The following NRXN3 variants were observed in gnomAD, a reference collection of about 807,000 sequenced individuals.
NRXN3 encodes neurexin 3.
NRXN3 carries 32 observed loss-of-function variants against 137.6 expected under a neutral mutation model. The ratio of observed to expected loss-of-function variants is 0.23; its 90% confidence interval spans 0.18 to 0.31. NRXN3 has a LOEUF of 0.31. Ranked by LOEUF, NRXN3 falls within the 10% of genes least tolerant of loss-of-function variation. The probability of loss-of-function intolerance (pLI) is 1.00; values close to 1 mark genes in which losing one functional copy is unlikely to be tolerated. For synonymous variants in NRXN3, 798 were observed against 784.5 expected (o/e 1.02, Z -0.29); for missense variants, 1,574 against 2,062.5 (o/e 0.76, Z 4.59).
At chr14:79,728,650 A>T (rs2098907429) in intron 19 of NRXN3, among the ~76,000 whole-genome samples, 4 of 152,232 alleles carry the variant, frequency 2.6e-5, no homozygotes. Context: ...GCTGATATGG[A>T]TGTGATAACA....
intron 16 of NRXN3, among the ~76,000 whole-genome samples, chr14:79,638,057 G>A (rs1015850139): frequency 2.6e-5 from 4 of 151,830 alleles, no homozygotes; most frequent in African/African-American, 9.7e-5. Context: ...TATTATACGT[G>A]CCCATACCTC....
chr14:78,413,735 T>TG (rs1380878066), intron 4 of NRXN3, among the ~76,000 whole-genome samples: 1 of 152,164 alleles, frequency 6.6e-6, no homozygotes, highest in Non-Finnish European at 1.5e-5. Context: ...CTGCAGCAGT[T>TG]GGGGGATGAG....
rs141065232 is a variant in NRXN3 at position 78,195,697 on chromosome 14, T to C, written c.-704+25023T>C. On this transcript the variant is annotated intron_variant, in intron 1 of 20. Transcript: ENST00000335750. ...TGAACTAGGCTGGAATGAGAGAGAC[T>C]GTTTTGTTTGCTCCATTTTCCAGAC... is the stretch of plus-strand genomic sequence containing the variant. 8.5e-5 allele frequency among the ~76,000 whole-genome samples: 13 copies of C among 152,260 alleles called. No homozygotes were observed. The East Asian group carries it at 1.9e-3, about 23-fold the overall frequency.
intron 19 of NRXN3, among the ~76,000 whole-genome samples, chr14:79,768,185 C>G (rs2099062993): frequency 2.6e-5 from 4 of 152,220 alleles, no homozygotes; most frequent in Admixed American, 6.5e-5. Context: ...AGGCAGCAGC[C>G]AGACTGGGGG....
intron 8 of NRXN3, among the ~76,000 whole-genome samples, chr14:78,774,808 C>T (rs2098739784): frequency 6.6e-6 from 1 of 152,006 alleles, no homozygotes; most frequent in African/African-American, 2.4e-5. Context: ...CCTGTAGTCC[C>T]ACCTACTTGG....
chr14:79,816,948 G>C (rs144392670), intron 20 of NRXN3, among the ~76,000 whole-genome samples: 22 of 152,314 alleles, frequency 1.4e-4, no homozygotes, highest in Admixed American at 5.9e-4. Context: ...AATTAAAAAG[G>C]AAAGTGTTGC....
At chr14:79,823,284 A>C (rs1470166567) in intron 20 of NRXN3, among the ~76,000 whole-genome samples, 3 of 152,200 alleles carry the variant, frequency 2.0e-5, no homozygotes, top group African/African-American at 7.2e-5. Context: ...ATTCATGCCA[A>C]ATTTACTGAG....
rs141346859 is a variant in NRXN3 at position 79,028,852 on chromosome 14, A to G, written c.3262+40711A>G. 2.1e-4 allele frequency among the ~76,000 whole-genome samples: 32 copies of G among 152,252 alleles called. 1 individual carries two copies. The South Asian group carries it at 4.4e-3, about 21-fold the overall frequency. Reference sequence around the variant, plus strand: ...CATACAGAAGGTACCATGAAGGGGTATAGTTCTTTTGCTCTTTTCTCACTG... The same window carrying G: ...CATACAGAAGGTACCATGAAGGGGTGTAGTTCTTTTGCTCTTTTCTCACTG... On this transcript the variant is annotated intron_variant, in intron 15 of 20. Coordinates refer to ENST00000335750, the MANE Select transcript of NRXN3 (RefSeq NM_001330195.2).
intron 15 of NRXN3, among the ~76,000 whole-genome samples, chr14:79,316,831 TG>T (rs1468938782): frequency 6.6e-6 from 1 of 152,084 alleles, no homozygotes; most frequent in Non-Finnish European, 1.5e-5. Flanking sequence ...TATTAGGAAG[TG>T]TATTCATTTC....
intron 19 of NRXN3, among the ~76,000 whole-genome samples, chr14:79,747,499 CA>C (rs544482230): frequency 5.3e-4 from 81 of 152,068 alleles, no homozygotes; most frequent in African/African-American, 1.9e-3. Flanking sequence ...CTATGTTTCC[CA>C]ATTCAAAATA....
intron 10 of NRXN3, among the ~76,000 whole-genome samples, chr14:78,935,244 C>T (rs1328438251): frequency 1.3e-5 from 2 of 152,022 alleles, no homozygotes; most frequent in African/African-American, 2.4e-5. Context: ...AATGAAAACC[C>T]AATTTATTTG....
At chr14:78,882,424 A>G (rs1005562410) in intron 10 of NRXN3, among the ~76,000 whole-genome samples, 1 of 151,800 alleles carries the variant, frequency 6.6e-6, no homozygotes, top group Non-Finnish European at 1.5e-5. Context: ...GTACCCTACA[A>G]AGCCACAGGG....
rs1433186606 is a variant in NRXN3, at chr14:79,077,750, C to T, written c.3262+89609C>T. Among the ~76,000 whole-genome samples, 19 of 152,194 alleles carry T rather than the reference C, an allele frequency of 1.2e-4. No individual in the cohort carries two copies. In the East Asian group the frequency reaches 3.7e-3, roughly 29 times the overall value. On this transcript the variant is annotated intron_variant, in intron 15 of 20. Coordinates refer to ENST00000335750, the MANE Select transcript of NRXN3 (RefSeq NM_001330195.2). The stretch of plus-strand genomic sequence containing the variant: ...ATTTTATATAACTATAATATATAGG[C>T]CATAAATTATTATTATATCAGTCTG...
rs72689190 is a variant in NRXN3, at chr14:78,324,559, C to T, written c.757+26699C>T. Among the ~76,000 whole-genome samples the T allele has an allele frequency of 1.5e-4, 23 of 152,124 alleles. 1 individual carries two copies. The highest frequency in any genetic ancestry group is 2.9e-4 in the African/African-American group (12 of 41,430). ...ATAACAAAACCAAATTAAGAGATTA[C>T]GCAATGTGGGAAATTTACAGAGACA... On this transcript the variant is annotated intron_variant, in intron 4 of 20. Transcript: ENST00000335750.
At chr14:78,855,637 G>A (rs2099054981) in intron 10 of NRXN3, among the ~76,000 whole-genome samples, 1 of 152,134 alleles carries the variant, frequency 6.6e-6, no homozygotes, top group Non-Finnish European at 1.5e-5. Context: ...CAAATTCTAA[G>A]AACCCAGAGG....
intron 15 of NRXN3, among the ~76,000 whole-genome samples, chr14:79,095,434 C>T (rs2050128375): frequency 6.6e-6 from 1 of 152,108 alleles, no homozygotes; most frequent in African/African-American, 2.4e-5. Context: ...ACAACTGTAA[C>T]CCCTGCTTGG....
intron 16 of NRXN3, among the ~76,000 whole-genome samples, chr14:79,536,320 T>C (rs1328575022): frequency 6.6e-6 from 1 of 152,114 alleles, no homozygotes; most frequent in African/African-American, 2.4e-5. Flanking sequence ...TTGTTGATTT[T>C]AGCTCTGGGG....
chr14:78,952,113 C>T (rs1159453764), intron 10 of NRXN3, among the ~76,000 whole-genome samples: 1 of 152,160 alleles, frequency 6.6e-6, no homozygotes, highest in African/African-American at 2.4e-5. Flanking sequence ...CCTGCACCTT[C>T]CACACCTGTT....
At chr14:79,701,900 A>G (rs1471835967) in intron 19 of NRXN3, among the ~76,000 whole-genome samples, 2 of 152,108 alleles carry the variant, frequency 1.3e-5, no homozygotes, top group African/African-American at 2.4e-5. Context: ...AATGCTTAAA[A>G]TAAGTGTACC....
Sources: gnomAD v4.1 joint callset for allele counts (sites outside exome capture counted in the v4.1 genomes callset) on GRCh38, gnomAD v4.1.1 for gene constraint, MANE v1.5 for transcripts, NCBI Gene and HGNC (gene_info 2026-07-23, HGNC 2026-07-21) for gene names.